The following GRXCR1 variants were observed in gnomAD, a reference collection of about 807,000 sequenced individuals.
GRXCR1 encodes the protein glutaredoxin and cysteine rich domain containing 1, also known as glutaredoxin domain-containing cysteine-rich protein 1.
GRXCR1 carries 27 observed loss-of-function variants against 27.3 expected under a neutral mutation model. That is an observed-to-expected ratio of 0.99 (90% CI 0.73 to 1.37). The LOEUF is 1.37. Ranked by LOEUF, GRXCR1 falls within the 40% of genes most tolerant of loss-of-function variation. The probability of loss-of-function intolerance (pLI) is 0.00; values close to 1 mark genes in which losing one functional copy is unlikely to be tolerated. For missense variants in GRXCR1, 379 were observed against 354.4 expected, an observed-to-expected ratio of 1.07 and a Z score of -0.56; for synonymous variants, 122 against 131.1, an observed-to-expected ratio of 0.93 and a Z score of 0.47.
rs139396785 is a variant in GRXCR1, at chr4:42,957,223, G to A, written c.385-5669G>A. Reference sequence around the variant, plus strand: ...TAAGACAAGAAGAGAAGGTACCCACGCACTATGCTTTCCTAATTACTTCTG... The same window carrying A: ...TAAGACAAGAAGAGAAGGTACCCACACACTATGCTTTCCTAATTACTTCTG... On this transcript the variant is annotated intron_variant, in intron 1 of 3. Coordinates refer to ENST00000399770, the MANE Select transcript of GRXCR1 (RefSeq NM_001080476.3). Among the ~76,000 whole-genome samples, 54 of 152,070 alleles carry A rather than the reference G, an allele frequency of 3.6e-4. 1 individual carries two copies. The highest frequency in any genetic ancestry group is 1.2e-3 in the African/African-American group (49 of 41,522).
chr4:43,029,457 A>C (rs1023422433), intron 3 of GRXCR1, among the ~76,000 whole-genome samples: 1 of 152,038 alleles, frequency 6.6e-6, no homozygotes, highest in African/African-American at 2.4e-5. Context: ...CAATTTACTT[A>C]TTTTCTCTTT....
At chr4:42,990,308 CAGCCTCCCAAGT>C (rs1260514796) in intron 2 of GRXCR1, among the ~76,000 whole-genome samples, 5 of 146,882 alleles carry the variant, frequency 3.4e-5, no homozygotes, top group African/African-American at 1.2e-4. Flanking sequence ...TCTCCTGCCT[CAGCCTCCCAAGT>C]AGCTGGGACT....
chr4:43,030,242 C>A, intron 3 of GRXCR1, 119 bp from the exon 4 acceptor site: 2 of 839,424 alleles, frequency 2.4e-6, no homozygotes, highest in Non-Finnish European at 4.1e-6. Context: ...AAGTGTATAG[C>A]CATATTATGC....
At position 42,913,184 on chromosome 4, in the gene GRXCR1, C is replaced by T. The variant is rs546511750; in HGVS notation, c.384+19534C>T. On this transcript the variant is annotated intron_variant, in intron 1 of 3. Transcript: ENST00000399770. ...AATCAGTACCAGGAGTGGGGCACTG[C>T]TGTAAAGATACCAAAAAATGTGGAA... Among the ~76,000 whole-genome samples, 7 of 152,272 alleles carry T rather than the reference C, an allele frequency of 4.6e-5. No individual in the cohort carries two copies. The East Asian group carries it at 9.6e-4, about 21-fold the overall frequency.
rs780577719 is a variant in GRXCR1, at chr4:43,030,405, C to A, written c.738C>A (p.Gly246=). The part of the protein sequence containing the change: ...PHECPSCGGF[G]FLPCSVCHGS... Reference sequence around the variant, plus strand: ...AGTGTCCCTCTTGTGGAGGCTTTGGCTTTCTTCCATGCTCCGTGTGCCATG... The same window carrying A: ...AGTGTCCCTCTTGTGGAGGCTTTGGATTTCTTCCATGCTCCGTGTGCCATG... Residue 246 remains glycine (G), a synonymous_variant, in exon 4 of 4, where the codon GGC becomes GGA. Coordinates refer to ENST00000399770, the MANE Select transcript of GRXCR1 (RefSeq NM_001080476.3). 1.2e-6 allele frequency: 2 copies of A among 1,614,022 alleles called. No homozygotes were observed. The highest frequency in any genetic ancestry group is 8.5e-7 in the Non-Finnish European group (1 of 1,179,980).
chr4:42,976,223 G>A (rs1748515020), intron 2 of GRXCR1, among the ~76,000 whole-genome samples: 1 of 151,916 alleles, frequency 6.6e-6, no homozygotes. Context: ...TCTGTTTATT[G>A]GTGACCTGGT....
chr4:42,953,774 AGTGCTGATAT>A (rs1354710513), intron 1 of GRXCR1, among the ~76,000 whole-genome samples: 1 of 152,134 alleles, frequency 6.6e-6, no homozygotes, highest in Non-Finnish European at 1.5e-5. Context: ...TAATGGTGAT[AGTGCTGATAT>A]GTGTCAATAA....
chr4:42,907,504 C>T (rs1185382475), intron 1 of GRXCR1, among the ~76,000 whole-genome samples: 1 of 152,090 alleles, frequency 6.6e-6, no homozygotes, highest in Non-Finnish European at 1.5e-5. Flanking sequence ...CATGGTTGCA[C>T]TGTATTTTCA....
At chr4:42,923,135 C>T (rs1230597597) in intron 1 of GRXCR1, among the ~76,000 whole-genome samples, 1 of 152,124 alleles carries the variant, frequency 6.6e-6, no homozygotes, top group Admixed American at 6.5e-5. Flanking sequence ...GCAGAGGAGT[C>T]TTCTTATTCA....
At chr4:42,937,271 G>A (rs1399867009) in intron 1 of GRXCR1, among the ~76,000 whole-genome samples, 1 of 36,504 alleles carries the variant, frequency 2.7e-5, no homozygotes, top group Non-Finnish European at 5.4e-5. Context: ...CTCATATTGA[G>A]GTCTTTTTTA....
chr4:42,930,737 C>T (rs1256180731), intron 1 of GRXCR1, among the ~76,000 whole-genome samples: 2 of 151,906 alleles, frequency 1.3e-5, no homozygotes, highest in Non-Finnish European at 2.9e-5. Flanking sequence ...CCTTGGATTC[C>T]TCAGATCATC....
intron 1 of GRXCR1, among the ~76,000 whole-genome samples, chr4:42,930,067 G>A (rs907749289): frequency 2.0e-5 from 3 of 151,870 alleles, no homozygotes; most frequent in Admixed American, 2.0e-4. Flanking sequence ...GTCCATTCTT[G>A]ATCTCATTTC....
At chr4:42,924,942 A>T (rs1560651341) in intron 1 of GRXCR1, among the ~76,000 whole-genome samples, 1 of 151,962 alleles carries the variant, frequency 6.6e-6, no homozygotes, top group East Asian at 1.9e-4. Flanking sequence ...TAAATTCCAC[A>T]ATTTCCCTGT....
At chr4:42,957,664 T>C (rs1428867886) in intron 1 of GRXCR1, among the ~76,000 whole-genome samples, 3 of 151,758 alleles carry the variant, frequency 2.0e-5, no homozygotes, top group Admixed American at 2.0e-4. Context: ...AAATAGCCTG[T>C]CTTCAAGTTC....
chr4:42,993,426 TGC>T (rs1388382474), intron 2 of GRXCR1, among the ~76,000 whole-genome samples: 1 of 152,076 alleles, frequency 6.6e-6, no homozygotes, highest in East Asian at 1.9e-4. Flanking sequence ...AGTTTTTAAT[TGC>T]AGATGCTCTT....
intron 2 of GRXCR1, among the ~76,000 whole-genome samples, chr4:43,011,761 T>A (rs1712758317): frequency 6.6e-6 from 1 of 152,192 alleles, no homozygotes; most frequent in African/African-American, 2.4e-5. Flanking sequence ...GGATGCCTGT[T>A]TCATTTCTTG....
chr4:42,926,458 T>A (rs1392452409), intron 1 of GRXCR1, among the ~76,000 whole-genome samples: 1 of 151,860 alleles, frequency 6.6e-6, no homozygotes, highest in Non-Finnish European at 1.5e-5. Context: ...CCAACTTATA[T>A]TTTTAAAACT....
At chr4:42,953,556 G>A (rs1747931285) in intron 1 of GRXCR1, among the ~76,000 whole-genome samples, 1 of 152,168 alleles carries the variant, frequency 6.6e-6, no homozygotes, top group Non-Finnish European at 1.5e-5. Flanking sequence ...GGTGGGAAGT[G>A]TAGAACAGAT....
chr4:42,921,941 A>T (rs1037719315), intron 1 of GRXCR1, among the ~76,000 whole-genome samples: 1 of 151,990 alleles, frequency 6.6e-6, no homozygotes, highest in Non-Finnish European at 1.5e-5. Context: ...GAGAAAAGCG[A>T]TTGGAAGTGA....
Sources: gnomAD v4.1 joint callset for allele counts (sites outside exome capture counted in the v4.1 genomes callset) on GRCh38, gnomAD v4.1.1 for gene constraint, MANE v1.5 for transcripts, NCBI Gene and HGNC (gene_info 2026-07-23, HGNC 2026-07-21) for gene names.